Variants in EIF3H observed in about 807,000 individuals in gnomAD.
The protein encoded by EIF3H is eukaryotic translation initiation factor 3 subunit H.
A neutral mutation model predicts 44.2 loss-of-function variants in EIF3H; 26 were observed. That is an observed-to-expected ratio of 0.59 (90% CI 0.43 to 0.82). The LOEUF is 0.82. EIF3H is among the 40% of genes least tolerant of loss of function. The pLI is 0.00. For missense variants in EIF3H, 359 were observed against 432.8 expected (o/e 0.83, Z 1.51); for synonymous variants, 166 against 151.9 (o/e 1.09, Z -0.68).
chr8:116,737,010 C>G (rs1289416887), intron 1 of EIF3H, among the ~76,000 whole-genome samples: 1 of 152,092 alleles, frequency 6.6e-6, no homozygotes, highest in Non-Finnish European at 1.5e-5. Context: ...ATTATTTAGA[C>G]AACAGATAAT....
At chr8:116,752,708 GAAAGAAAGAAAGAA>G (rs1815365523) in intron 1 of EIF3H, among the ~76,000 whole-genome samples, 4 of 128,510 alleles carry the variant, frequency 3.1e-5, no homozygotes, top group Admixed American at 8.3e-5. Flanking sequence ...AAGAAAGAAA[GAAAGAAAGAAAGAA>G]AGAAAGAAAG....
intron 1 of EIF3H, among the ~76,000 whole-genome samples, chr8:116,755,306 T>G (rs1815421151): frequency 6.6e-6 from 1 of 152,186 alleles, no homozygotes; most frequent in African/African-American, 2.4e-5. Context: ...CCTTACTCTC[T>G]CCTTCCCAGA....
At chr8:116,705,428 C>T (rs1381255576) in intron 2 of EIF3H, among the ~76,000 whole-genome samples, 1 of 151,598 alleles carries the variant, frequency 6.6e-6, no homozygotes, top group African/African-American at 2.4e-5. Context: ...AGACATTAGA[C>T]ACTACCTTCA....
intron 1 of EIF3H, among the ~76,000 whole-genome samples, chr8:116,744,220 A>AAAAAAAAAC (rs1180683264): frequency 1.3e-5 from 2 of 151,946 alleles, no homozygotes; most frequent in Non-Finnish European, 2.9e-5. Context: ...GTATTAAAAA[A>AAAAAAAAAC]AAAAAAAACA....
chr8:116,724,453 A>G (rs1202139762), intron 2 of EIF3H, among the ~76,000 whole-genome samples: 1 of 152,204 alleles, frequency 6.6e-6, no homozygotes, highest in Non-Finnish European at 1.5e-5. Context: ...GACAAATGGG[A>G]GTATATCAAA....
chr8:116,752,736 A>AAAGAAAGAAAGAAAGAAGG (rs1435243692), intron 1 of EIF3H, among the ~76,000 whole-genome samples: 42 of 87,128 alleles, frequency 4.8e-4, no homozygotes, highest in Non-Finnish European at 6.6e-4. Context: ...AAGAAAGAAG[A>AAAGAAAGAAAGAAAGAAGG]GAAAGAAAGA....
chr8:116,718,030 TCAAA>T (rs1472339160), intron 2 of EIF3H, among the ~76,000 whole-genome samples: 1 of 151,704 alleles, frequency 6.6e-6, no homozygotes, highest in South Asian at 2.1e-4. Context: ...TACAACGAAC[TCAAA>T]CAAGTCAGCA....
At chr8:116,697,388 G>A (rs554834365) in intron 2 of EIF3H, among the ~76,000 whole-genome samples, 1 of 152,332 alleles carries the variant, frequency 6.6e-6, no homozygotes, top group South Asian at 2.1e-4. Flanking sequence ...GTCAGTGTCA[G>A]GTGCTGACAA....
In EIF3H at chr8:116,720,246, T is replaced by C. The variant is rs886868925; in HGVS notation, c.289+5770A>G. On this transcript the variant is annotated intron_variant, in intron 2 of 7. Coordinates refer to ENST00000521861, the MANE Select transcript of EIF3H (RefSeq NM_003756.3). ...ACAATTGTTTGATTTAAATTTAAAATTTTTTTAAATTGAAATTTTAAAAAC... is the reference window on the plus strand; with the variant it reads ...ACAATTGTTTGATTTAAATTTAAAACTTTTTTAAATTGAAATTTTAAAAAC... 3.3e-5 allele frequency among the ~76,000 whole-genome samples: 5 copies of C among 152,202 alleles called. No homozygotes were observed. The South Asian group carries it at 8.3e-4, about 25-fold the overall frequency.
At position 116,658,421 on chromosome 8, in the gene EIF3H, T is replaced by C. The variant is rs77840078; in HGVS notation, c.457+392A>G. On this transcript the variant is annotated intron_variant, in intron 3 of 7. Transcript: ENST00000521861. Reference sequence around the variant, plus strand: ...GTGCTAAGAAACAGTCCAGGTTTTGTACGCTGTTGTCAGAGGTATAAAAAA... The same window carrying C: ...GTGCTAAGAAACAGTCCAGGTTTTGCACGCTGTTGTCAGAGGTATAAAAAA... 1,572 of 157,394 alleles carry C rather than the reference T, an allele frequency of 1.0e-2. 26 individuals are homozygous for C. Among genetic ancestry groups the C allele is most frequent in the Non-Finnish European group, 0.012 (827 of 71,610 alleles). 9.7% of individuals were successfully genotyped at this position (157,394 alleles called of 1,614,324 possible).
chr8:116,656,094 C>T (rs1466899932), intron 4 of EIF3H, 89 bp from the exon 5 acceptor site: 1 of 1,238,612 alleles, frequency 8.1e-7, no homozygotes, highest in East Asian at 2.4e-5. Flanking sequence ...ATTACAGGCC[C>T]TATCCAAGAT....
At chr8:116,701,662 A>C (rs1471703416) in intron 2 of EIF3H, among the ~76,000 whole-genome samples, 1 of 152,216 alleles carries the variant, frequency 6.6e-6, no homozygotes, top group African/African-American at 2.4e-5. Context: ...AATCATGGGG[A>C]TTATTCTTCC....
intron 1 of EIF3H, among the ~76,000 whole-genome samples, chr8:116,735,649 A>T (rs1346432204): frequency 6.6e-6 from 1 of 152,130 alleles, no homozygotes; most frequent in Non-Finnish European, 1.5e-5. Context: ...AGAATAAGCC[A>T]AAACACCACC....
chr8:116,682,082 A>G (rs1813999832), intron 2 of EIF3H, among the ~76,000 whole-genome samples: 1 of 152,244 alleles, frequency 6.6e-6, no homozygotes, highest in Non-Finnish European at 1.5e-5. Context: ...CTCAGATCAA[A>G]GAGCATAAAA....
chr8:116,693,054 A>G (rs1378205346), intron 2 of EIF3H, among the ~76,000 whole-genome samples: 2 of 152,204 alleles, frequency 1.3e-5, no homozygotes, highest in Admixed American at 1.3e-4. Context: ...TTAAATACTC[A>G]AAGTTCATAT....
At chr8:116,735,869 T>C (rs1815029374) in intron 1 of EIF3H, among the ~76,000 whole-genome samples, 1 of 151,428 alleles carries the variant, frequency 6.6e-6, no homozygotes, top group Non-Finnish European at 1.5e-5. Flanking sequence ...AGACCCCGAA[T>C]AAACTGTGTG....
chr8:116,685,444 A>C (rs1028634657), intron 2 of EIF3H, among the ~76,000 whole-genome samples: 11 of 152,202 alleles, frequency 7.2e-5, no homozygotes, highest in African/African-American at 2.4e-4. Flanking sequence ...TTTTATAATA[A>C]GTATACTTCG....
chr8:116,659,569 G>A (rs34007155), intron 2 of EIF3H, among the ~76,000 whole-genome samples: 67,365 of 151,986 alleles, frequency 0.44, 18,774 homozygotes, highest in Non-Finnish European at 0.62. Context: ...ATTTTTTAAA[G>A]AATTATTTTT....
chr8:116,645,456 A>G (rs1457549626), intron 7 of EIF3H, among the ~76,000 whole-genome samples: 1 of 152,354 alleles, frequency 6.6e-6, no homozygotes, highest in African/African-American at 2.4e-5. Context: ...CTAACAATAA[A>G]TCACAGAGCT....
Sources: allele counts gnomAD v4.1 joint callset (sites outside exome capture counted in the v4.1 genomes callset), GRCh38; gene constraint gnomAD v4.1.1; transcripts MANE v1.5; gene names NCBI Gene and HGNC (gene_info 2026-07-23, HGNC 2026-07-21).